LCP2: variants seen among roughly 807,000 people sequenced by gnomAD.
LCP2 encodes lymphocyte cytosolic protein 2.
A neutral mutation model predicts 74.5 loss-of-function variants in LCP2; 29 were observed. That is an observed-to-expected ratio of 0.39 (90% CI 0.29 to 0.53). LCP2 has a LOEUF of 0.53. LCP2 is among the 20% of genes least tolerant of loss of function. The pLI is 0.72. For synonymous variants in LCP2, 228 were observed against 229.5 expected, an observed-to-expected ratio of 0.99 and a Z score of 0.06; for missense variants, 604 against 634.6, an observed-to-expected ratio of 0.95 and a Z score of 0.52.
At chr5:170,279,286 C>A (rs78011140) in intron 3 of LCP2, among the ~76,000 whole-genome samples, 3,387 of 152,248 alleles carry the variant, frequency 0.022, 58 homozygotes, top group Middle Eastern at 0.085. Flanking sequence ...CAGCTGCATC[C>A]CTAACTTACA....
chr5:170,272,597 CTTTTTTTTTTTTTTTTTTTT>C (rs61463939), intron 6 of LCP2, among the ~76,000 whole-genome samples: 1 of 40,342 alleles, frequency 2.5e-5, no homozygotes, highest in Non-Finnish European at 4.5e-5. Flanking sequence ...CAAATATTTT[CTTTTTTTTTTTTTTTTTTTT>C]TTTTTTTTTT....
At position 170,247,331 on chromosome 5, in the gene LCP2, G is replaced by T. The variant is rs552515337; in HGVS notation, c.*1366C>A. 3.9e-5 allele frequency: 6 copies of T among 152,320 alleles called. No homozygotes were observed. The East Asian group carries it at 1.2e-3, about 29-fold the overall frequency. The allele number at this position is 152,320 out of a possible 1,614,324, so 9.4% of individuals were successfully genotyped here. A position where few individuals can be genotyped will look rare whatever the true frequency, so the allele number is the denominator to read the frequency against. On this transcript the variant is annotated 3_prime_UTR_variant, in exon 21 of 21. Transcript: ENST00000046794. ...ACACCATTTTTATCATCAGTTAAAA[G>T]TCTCTACCTTCTGCATACTCCTTAT...
At chr5:170,271,355 C>A (rs1481163878) in intron 6 of LCP2, among the ~76,000 whole-genome samples, 2 of 152,092 alleles carry the variant, frequency 1.3e-5, no homozygotes, top group Non-Finnish European at 2.9e-5. Context: ...AATGTCCTCT[C>A]ATTATAACCT....
chr5:170,276,714 C>G (rs1253978288), intron 3 of LCP2, among the ~76,000 whole-genome samples: 1 of 152,090 alleles, frequency 6.6e-6, no homozygotes, highest in Non-Finnish European at 1.5e-5. Flanking sequence ...GAGACTGCAG[C>G]CCCACTTAGT....
chr5:170,257,645 A>C (rs1006724839), intron 16 of LCP2, among the ~76,000 whole-genome samples: 1 of 152,168 alleles, frequency 6.6e-6, no homozygotes, highest in Non-Finnish European at 1.5e-5. Context: ...AGCATCAGCC[A>C]AGCACGAGGC....
At chr5:170,279,520 C>T (rs1762065841) in intron 3 of LCP2, among the ~76,000 whole-genome samples, 1 of 152,200 alleles carries the variant, frequency 6.6e-6, no homozygotes, top group African/African-American at 2.4e-5. Flanking sequence ...TGGGCCTGAT[C>T]ATCATGATTA....
intron 1 of LCP2, among the ~76,000 whole-genome samples, chr5:170,293,585 C>CTAG (rs1477350150): frequency 6.6e-6 from 1 of 152,192 alleles, no homozygotes; most frequent in Non-Finnish European, 1.5e-5. Context: ...AATTGCCTTG[C>CTAG]TCTAAGGCTT....
At chr5:170,249,796 C>T (rs1156839450) in intron 20 of LCP2, among the ~76,000 whole-genome samples, 1 of 152,174 alleles carries the variant, frequency 6.6e-6, no homozygotes, top group Non-Finnish European at 1.5e-5. Flanking sequence ...ACCTAGGAAC[C>T]CTAACAGGAT....
chr5:170,262,886 T>G lies in LCP2; in HGVS notation c.799-25A>C, dbSNP rs548169597. The G allele has an allele frequency of 2.0e-5, 33 of 1,614,066 alleles. No individual in the cohort carries two copies. The South Asian group carries it at 3.6e-4, about 18-fold the overall frequency. ...GCTGCAAGACAGGAGGAAAAATGTA[T>G]GAGTGTCCAAGCACTTTTCAAAGAA... On this transcript the variant is annotated intron_variant, in intron 11 of 20. Coordinates refer to ENST00000046794, the MANE Select transcript of LCP2 (RefSeq NM_005565.5).
At chr5:170,296,758 A>G (rs1581080102) in intron 1 of LCP2, among the ~76,000 whole-genome samples, 1 of 152,316 alleles carries the variant, frequency 6.6e-6, no homozygotes, top group Admixed American at 6.5e-5. Context: ...CTCTAAGTCC[A>G]GAAGATAAGA....
chr5:170,291,195 AAGGC>A (rs965174141), intron 2 of LCP2, among the ~76,000 whole-genome samples: 3 of 134,810 alleles, frequency 2.2e-5, no homozygotes, highest in Non-Finnish European at 4.8e-5. Flanking sequence ...GGAAGGAAAG[AAGGC>A]AGGAAGGAAG....
At chr5:170,251,471 T>C (rs1231917245) in intron 19 of LCP2, 1 of 263,124 alleles carries the variant, frequency 3.8e-6, no homozygotes, top group Admixed American at 4.1e-5. Flanking sequence ...GTACTTTAAA[T>C]TTCCATTCAA....
chr5:170,263,106 T>G, intron 10 of LCP2, 114 bp from the exon 11 acceptor site: 1 of 1,244,954 alleles, frequency 8.0e-7, no homozygotes, highest in Non-Finnish European at 1.1e-6. Context: ...TTGATGGGGT[T>G]TAAGCATTAA....
intron 16 of LCP2, among the ~76,000 whole-genome samples, chr5:170,257,222 G>T (rs1361776978): frequency 6.6e-6 from 1 of 152,196 alleles, no homozygotes; most frequent in Admixed American, 6.5e-5. Flanking sequence ...GAAGGATGGG[G>T]TTGGGGCTAG....
chr5:170,261,453 C>G (rs1404636756), intron 13 of LCP2, among the ~76,000 whole-genome samples: 1 of 91,946 alleles, frequency 1.1e-5, no homozygotes, highest in Non-Finnish European at 2.0e-5. Context: ...TACACACACA[C>G]TATATGTATA....
In LCP2 at chr5:170,248,221, T is replaced by C. The variant is rs944575856; in HGVS notation, c.*476A>G. ...ATATTTTTGAAGCCTCTTAAATTATTGCTGCTGAGAAAACGAGGTTTAGTG... is the reference window on the plus strand; with the variant it reads ...ATATTTTTGAAGCCTCTTAAATTATCGCTGCTGAGAAAACGAGGTTTAGTG... On this transcript the variant is annotated 3_prime_UTR_variant, in exon 21 of 21. Transcript: ENST00000046794. 2 of 152,814 alleles carry C rather than the reference T, an allele frequency of 1.3e-5. No homozygotes were observed. The highest frequency in any genetic ancestry group is 4.8e-5 in the African/African-American group (2 of 41,466). 9.5% of individuals were successfully genotyped at this position (152,814 alleles called of 1,614,324 possible). A position where few individuals can be genotyped will look rare whatever the true frequency, so the allele number is the denominator to read the frequency against.
chr5:170,256,495 G>A lies in LCP2; in HGVS notation c.1150+31C>T. The A allele has an allele frequency of 6.3e-7, 1 of 1,590,836 alleles. No individual in the cohort carries two copies. Among genetic ancestry groups the A allele is most frequent in the Non-Finnish European group, 8.6e-7 (1 of 1,158,868 alleles). ...ATCCAGTCATAAAGGCTTGATGGCT[G>A]AAGCACGTCACAAAAGCCCAGAGTA... On this transcript the variant is annotated intron_variant, in intron 17 of 20. Transcript: ENST00000046794. The surrounding 1 kb of genome is among the most constrained non-coding windows in gnomAD (Gnocchi z 4.5).
chr5:170,285,715 C>CTCCAT lies in LCP2; in HGVS notation c.188+2254_188+2255insATGGA, dbSNP rs540761743. On this transcript the variant is annotated intron_variant, in intron 3 of 20. Transcript: ENST00000046794. ...CAGCCCTGTGAGTGGCTACTCTTTCCTCCAATACTGTTGGGTAGTTCTTTT... is the reference window on the plus strand; with the variant it reads ...CAGCCCTGTGAGTGGCTACTCTTTCCTCCATTCCAATACTGTTGGGTAGTTCTTTT... Among the ~76,000 whole-genome samples the CTCCAT allele has an allele frequency of 1.2e-4, 19 of 152,328 alleles. No individual in the cohort carries two copies. In the East Asian group the frequency reaches 3.3e-3, roughly 26 times the overall value.
At chr5:170,259,432 A>G (rs1761616072) in intron 14 of LCP2, among the ~76,000 whole-genome samples, 1 of 152,204 alleles carries the variant, frequency 6.6e-6, no homozygotes, top group Non-Finnish European at 1.5e-5. Flanking sequence ...AGGTTCATCT[A>G]CAACCCTCAC....
Sources: gnomAD v4.1 joint callset for allele counts (sites outside exome capture counted in the v4.1 genomes callset) on GRCh38, gnomAD v4.1.1 for gene constraint, Gnocchi (gnomAD v3.1) non-coding constraint, MANE v1.5 for transcripts, NCBI Gene and HGNC (gene_info 2026-07-23, HGNC 2026-07-21) for gene names.